The following ZAR1 variants were observed in gnomAD, a reference collection of about 807,000 sequenced individuals.
ZAR1 encodes zygote arrest 1.
In ZAR1, 37 loss-of-function variants were observed where a neutral mutation model predicts 38.3. The observed-to-expected ratio is 0.97, with a 90% CI of 0.74 to 1.27. ZAR1 has a LOEUF of 1.27. ZAR1 is among the 50% of genes most tolerant of loss of function. The pLI, the probability that ZAR1 is intolerant of heterozygous loss-of-function variation, is 0.00. For synonymous variants in ZAR1, 336 were observed against 292.0 expected (o/e 1.15, Z -1.53); for missense variants, 651 against 632.4 (o/e 1.03, Z -0.32).
Position 48,493,798 on chromosome 4 carries a change from A to G in ZAR1, c.1132-303A>G, listed in dbSNP as rs556119340. 4.5e-4 allele frequency among the ~76,000 whole-genome samples: 68 copies of G among 152,340 alleles called. No individual in the cohort carries two copies. In the South Asian group the frequency reaches 0.012, roughly 26 times the overall value. ...CTTAACCACTCTGCTCTTGGTGTTCATTGTCAAATTCATCCCTGACTTGTT... is the reference window on the plus strand; with the variant it reads ...CTTAACCACTCTGCTCTTGGTGTTCGTTGTCAAATTCATCCCTGACTTGTT... On this transcript the variant is annotated intron_variant, in intron 3 of 3. Coordinates refer to ENST00000327939, the MANE Select transcript of ZAR1 (RefSeq NM_175619.3).
intron 1 of ZAR1, among the ~76,000 whole-genome samples, chr4:48,491,862 G>T (rs1454848290): frequency 4.6e-5 from 7 of 152,222 alleles, no homozygotes; most frequent in Non-Finnish European, 8.8e-5. Context: ...GTTGCTGCCC[G>T]AGGGCAGCAG....
In ZAR1 at chr4:48,490,369, C is replaced by A; in HGVS notation, c.78C>A (p.Tyr26Ter). The A allele has an allele frequency of 1.3e-6, 2 of 1,505,746 alleles. No individual in the cohort carries two copies. Among genetic ancestry groups the A allele is most frequent in the South Asian group, 1.2e-5 (1 of 81,272 alleles). The allele number at this position is 1,505,746 out of a possible 1,614,324, so 93.3% of individuals were successfully genotyped here. Residue 26 changes from tyrosine (Y) to a stop codon, truncating the protein, a stop_gained, in exon 1 of 4, where the codon TAC becomes TAA. Coordinates refer to ENST00000327939, the MANE Select transcript of ZAR1 (RefSeq NM_175619.3). LOFTEE classifies it high-confidence loss of function. ...ACPPCSYRYP[Y>*]PAATKGKGAA... The stretch of plus-strand genomic sequence containing the variant: ...CCCCCTGCTCGTACCGGTACCCATA[C>A]CCCGCGGCCACCAAGGGCAAGGGCG...
chr4:48,490,753 G>C lies in ZAR1; in HGVS notation c.462G>C (p.Gln154His). ...GTTGGGSFSQQPSRRGLEQGS... is the reference protein window; with the variant it reads ...GTTGGGSFSQHPSRRGLEQGS... ...CGGGTGGCGGCTCTTTCTCCCAGCA[G>C]CCATCCCGTCGAGGCCTGGAGCAGG... Residue 154 changes from glutamine to histidine, a missense_variant, in exon 1 of 4, where the codon CAG (glutamine) becomes CAC (histidine). By Grantham distance (24) the Gln-to-His change is conservative. Transcript: ENST00000327939. 1 of 1,428,378 alleles carries C rather than the reference G, an allele frequency of 7.0e-7. No homozygotes were observed. Among genetic ancestry groups the C allele is most frequent in the South Asian group, 1.5e-5 (1 of 68,104 alleles). 88.5% of individuals were successfully genotyped at this position (1,428,378 alleles called of 1,614,324 possible).
Position 48,490,360 on chromosome 4 carries a change from G to A in ZAR1, c.69G>A (p.Arg23=), listed in dbSNP as rs941622848. The A allele has an allele frequency of 2.0e-6, 3 of 1,509,822 alleles. No homozygotes were observed. Among genetic ancestry groups the A allele is most frequent in the Non-Finnish European group, 2.6e-6 (3 of 1,135,654 alleles). The allele number at this position is 1,509,822 out of a possible 1,614,324, so 93.5% of individuals were successfully genotyped here. A position where few individuals can be genotyped will look rare whatever the true frequency, so the allele number is the denominator to read the frequency against. Residue 23 remains arginine (R), a synonymous_variant, in exon 1 of 4, where the codon CGG becomes CGA. Transcript: ENST00000327939. ...VFPACPPCSY[R]YPYPAATKGK... ...CGGCGTGCCCCCCCTGCTCGTACCGGTACCCATACCCCGCGGCCACCAAGG... is the reference window on the plus strand; with the variant it reads ...CGGCGTGCCCCCCCTGCTCGTACCGATACCCATACCCCGCGGCCACCAAGG...
chr4:48,495,124 C>CT (rs1718550194), downstream of ZAR1, among the ~76,000 whole-genome samples: 1 of 151,896 alleles, frequency 6.6e-6, no homozygotes, highest in Non-Finnish European at 1.5e-5. Context: ...TAGTGCTAGT[C>CT]GGGATGCCAG....
intron 1 of ZAR1, 119 bp downstream of exon 1, chr4:48,491,373 C>A: frequency 1.4e-6 from 1 of 718,132 alleles, no homozygotes; most frequent in Non-Finnish European, 1.9e-6. Flanking sequence ...GCGTGGGCTA[C>A]TTCCGTATTT....
downstream of ZAR1, among the ~76,000 whole-genome samples, chr4:48,496,876 C>T (rs1430966486): frequency 1.3e-5 from 2 of 152,084 alleles, no homozygotes; most frequent in Non-Finnish European, 2.9e-5. Flanking sequence ...CGTCTTTCTC[C>T]TTTTGTTTAG....
At chr4:48,491,728 C>T (rs927210214) in intron 1 of ZAR1, among the ~76,000 whole-genome samples, 4 of 152,234 alleles carry the variant, frequency 2.6e-5, no homozygotes, top group African/African-American at 7.2e-5. Flanking sequence ...TTCTCCTTTA[C>T]GAGCTTCCAG....
chr4:48,490,780 C>A lies in ZAR1; in HGVS notation c.489C>A (p.Gly163=). 6.7e-7 allele frequency: 1 copy of A among 1,499,420 alleles called. No individual in the cohort carries two copies. Among genetic ancestry groups the A allele is most frequent in the Non-Finnish European group, 8.8e-7 (1 of 1,131,390 alleles). The allele number at this position is 1,499,420 out of a possible 1,614,324, so 92.9% of individuals were successfully genotyped here. The part of the protein sequence containing the change: ...QQPSRRGLEQ[G]SPQNGAPRPM... ...CATCCCGTCGAGGCCTGGAGCAGGG[C>A]AGCCCCCAGAACGGCGCCCCGCGGC... The change falls in exon 1 of 4, where the codon GGC becomes GGA. Residue 163 remains glycine, a synonymous_variant. Coordinates refer to ENST00000327939, the MANE Select transcript of ZAR1 (RefSeq NM_175619.3).
Position 48,490,646 on chromosome 4 carries a change from C to G in ZAR1, c.355C>G (p.Gln119Glu). The G allele has an allele frequency of 7.4e-7, 1 of 1,349,156 alleles. No homozygotes were observed. The highest frequency in any genetic ancestry group is 9.4e-7 in the Non-Finnish European group (1 of 1,058,756). 83.6% of individuals were successfully genotyped at this position (1,349,156 alleles called of 1,614,324 possible). A position where few individuals can be genotyped will look rare whatever the true frequency, so the allele number is the denominator to read the frequency against. ...GAGCCCGCGCATCGACGCCGCGGTA[C>G]AGTGCTCGCTGGGGAGGCGCACGCT... is the stretch of plus-strand genomic sequence containing the variant. ...QVSPRIDAAVQCSLGRRTLQR... is the reference protein window; with the variant it reads ...QVSPRIDAAVECSLGRRTLQR... The change falls in exon 1 of 4, where the codon CAG (glutamine) becomes GAG (glutamate). Residue 119 changes from glutamine (Q) to glutamate (E), a missense_variant. By Grantham distance (29) the Gln-to-Glu change is conservative. This residue lies in a region of ZAR1 where 522 missense variants were observed against 459.9 expected (regional missense o/e 1.14). Transcript: ENST00000327939.
chr4:48,496,022 C>T (rs1718589847), downstream of ZAR1, among the ~76,000 whole-genome samples: 1 of 152,186 alleles, frequency 6.6e-6, no homozygotes, highest in African/African-American at 2.4e-5. Flanking sequence ...CCTCAAGCTC[C>T]TGGGCTCAAG....
chr4:48,492,135 C>T (rs542972990), intron 1 of ZAR1, among the ~76,000 whole-genome samples: 169 of 152,256 alleles, frequency 1.1e-3, no homozygotes, highest in Non-Finnish European at 1.9e-3. Flanking sequence ...CTGGACTTAG[C>T]GCAGTCTCAC....
chr4:48,496,576 C>G (rs1167549360), downstream of ZAR1, among the ~76,000 whole-genome samples: 1 of 152,080 alleles, frequency 6.6e-6, no homozygotes, highest in Non-Finnish European at 1.5e-5. Context: ...GGTGGGTGGG[C>G]ATGCAGATAT....
At chr4:48,496,059 C>T (rs1159615165), downstream of ZAR1, among the ~76,000 whole-genome samples, 1 of 152,168 alleles carries the variant, frequency 6.6e-6, no homozygotes, top group Admixed American at 6.5e-5. Context: ...CTCAGCCTCT[C>T]AAGTGGCTGG....
rs751174521 is a variant in ZAR1, at chr4:48,492,933, C to T, written c.1057-5C>T. On this transcript the variant is annotated splice_polypyrimidine_tract_variant and splice_region_variant and intron_variant, in intron 2 of 3. Transcript: ENST00000327939. ...ATTTTAAGTTTATCCTCTTTGTCAT[C>T]ACAGGTTTACTTCAAACAGTTTTGC... 1.2e-6 allele frequency: 2 copies of T among 1,614,188 alleles called. No homozygotes were observed. The highest frequency in any genetic ancestry group is 2.2e-5 in the East Asian group (1 of 44,890).
downstream of ZAR1, among the ~76,000 whole-genome samples, chr4:48,495,082 G>A (rs1157338891): frequency 2.0e-5 from 3 of 151,910 alleles, no homozygotes; most frequent in African/African-American, 4.8e-5. Flanking sequence ...TCAAGTTAGA[G>A]GTGTAGGCCT....
downstream of ZAR1, among the ~76,000 whole-genome samples, chr4:48,494,989 A>C (rs71614040): frequency 3.3e-5 from 5 of 152,086 alleles, no homozygotes; most frequent in Admixed American, 1.3e-4. Context: ...TGAATAACCT[A>C]TCAAGTAGAC....
intron 3 of ZAR1, among the ~76,000 whole-genome samples, chr4:48,493,879 G>A (rs1184414803): frequency 1.3e-5 from 2 of 152,124 alleles, no homozygotes; most frequent in Non-Finnish European, 2.9e-5. Flanking sequence ...TTCATAATTG[G>A]ATCTGATGCA....
rs1292373852 is a variant in ZAR1 at position 48,494,166 on chromosome 4, C to T, written c.1197C>T (p.His399=). 3.7e-6 allele frequency: 6 copies of T among 1,614,082 alleles called. No homozygotes were observed. The African/African-American group carries it at 8.0e-5, about 22-fold the overall frequency. The change falls in exon 4 of 4, where the codon CAC becomes CAT. Residue 399 remains histidine (H), a synonymous_variant. Transcript: ENST00000327939. ...KLRHVDPKRP[H]RQDLCGRCKG... ...GCCACGTGGACCCTAAACGGCCCCA[C>T]CGTCAAGATTTGTGCGGTAGATGCA...
Sources: gnomAD v4.1 joint callset for allele counts (sites outside exome capture counted in the v4.1 genomes callset) on GRCh38, gnomAD v4.1.1 for gene constraint, gnomAD v4.1.1 regional missense constraint, MANE v1.5 for transcripts, NCBI Gene and HGNC (gene_info 2026-07-23, HGNC 2026-07-21) for gene names.